KCTD16: variants seen among roughly 807,000 people sequenced by gnomAD.
The protein encoded by KCTD16 is potassium channel tetramerization domain containing 16.
A neutral mutation model predicts 33.2 loss-of-function variants in KCTD16; 13 were observed. The ratio of observed to expected loss-of-function variants is 0.39; its 90% CI spans 0.25 to 0.62. The LOEUF is 0.62. KCTD16 is among the 20% of genes least tolerant of loss of function. KCTD16 has a pLI of 0.50. For synonymous variants in KCTD16, 197 were observed against 195.3 expected, an observed-to-expected ratio of 1.01 and a Z score of -0.07; for missense variants, 441 against 525.1, an observed-to-expected ratio of 0.84 and a Z score of 1.57.
intron 3 of KCTD16, among the ~76,000 whole-genome samples, chr5:144,390,489 C>T (rs974126923): frequency 2.6e-5 from 4 of 151,380 alleles, no homozygotes; most frequent in Admixed American, 2.6e-4. Context: ...CTGAGCTGTT[C>T]AGGAGAGGAA....
intron 2 of KCTD16, among the ~76,000 whole-genome samples, chr5:144,182,990 A>G (rs967179035): frequency 3.9e-5 from 6 of 152,056 alleles, no homozygotes; most frequent in South Asian, 2.1e-4. Context: ...TCATTTCTCT[A>G]TGTACATGTA....
chr5:144,352,047 T>C (rs1751452718), intron 3 of KCTD16, among the ~76,000 whole-genome samples: 1 of 152,174 alleles, frequency 6.6e-6, no homozygotes, highest in African/African-American at 2.4e-5. Flanking sequence ...AACAAAAAAA[T>C]AAGTATATGT....
intron 3 of KCTD16, among the ~76,000 whole-genome samples, chr5:144,333,716 G>A (rs987011144): frequency 2.0e-5 from 3 of 152,182 alleles, no homozygotes; most frequent in Non-Finnish European, 4.4e-5. Flanking sequence ...CCATGGCAAA[G>A]GCAGAGGAGC....
At chr5:144,276,883 A>G (rs192121002) in intron 3 of KCTD16, among the ~76,000 whole-genome samples, 2 of 151,036 alleles carry the variant, frequency 1.3e-5, no homozygotes, top group East Asian at 3.9e-4. Flanking sequence ...AGCCTGGGCA[A>G]CAGAGTGAAA....
chr5:144,299,114 A>ATG (rs1756151255), intron 3 of KCTD16, among the ~76,000 whole-genome samples: 1 of 14,706 alleles, frequency 6.8e-5, no homozygotes, highest in Non-Finnish European at 1.1e-4. Context: ...ATATATATAT[A>ATG]TATATATATA....
chr5:144,315,623 T>C (rs1245136168), intron 3 of KCTD16, among the ~76,000 whole-genome samples: 1 of 152,194 alleles, frequency 6.6e-6, no homozygotes, highest in South Asian at 2.1e-4. Flanking sequence ...TTTCTCATAA[T>C]AGTTCTGTGT....
chr5:144,447,857 CT>C (rs1012905919), intron 3 of KCTD16, among the ~76,000 whole-genome samples: 2 of 152,030 alleles, frequency 1.3e-5, no homozygotes, highest in African/African-American at 4.8e-5. Context: ...CAACTTTGCT[CT>C]CTATTGGAAT....
intron 3 of KCTD16, among the ~76,000 whole-genome samples, chr5:144,237,933 T>C (rs1222724890): frequency 6.6e-6 from 1 of 152,158 alleles, no homozygotes; most frequent in African/African-American, 2.4e-5. Context: ...CATCTTCGAA[T>C]TGCAGTTTGG....
intron 3 of KCTD16, among the ~76,000 whole-genome samples, chr5:144,412,687 A>T (rs764856678): frequency 1.3e-5 from 2 of 152,140 alleles, no homozygotes; most frequent in Non-Finnish European, 2.9e-5. Context: ...GGAGTTCAAG[A>T]CCAGCCTGGC....
At chr5:144,228,278 G>C (rs888903164) in intron 3 of KCTD16, among the ~76,000 whole-genome samples, 6 of 152,156 alleles carry the variant, frequency 3.9e-5, no homozygotes, top group Non-Finnish European at 8.8e-5. Context: ...AGAGAACCAG[G>C]AAAGTGGGGT....
intron 3 of KCTD16, among the ~76,000 whole-genome samples, chr5:144,241,941 G>A (rs761088802): frequency 4.6e-5 from 7 of 152,142 alleles, no homozygotes; most frequent in Admixed American, 3.3e-4. Context: ...CAACCATGGT[G>A]TAGCTAAGAA....
intron 3 of KCTD16, among the ~76,000 whole-genome samples, chr5:144,306,748 C>T (rs1452413344): frequency 6.6e-6 from 1 of 152,152 alleles, no homozygotes; most frequent in African/African-American, 2.4e-5. Flanking sequence ...GCTAACTCTA[C>T]CACCCCTCAG....
intron 3 of KCTD16, among the ~76,000 whole-genome samples, chr5:144,232,015 C>T (rs1361545151): frequency 2.0e-5 from 3 of 152,100 alleles, no homozygotes; most frequent in African/African-American, 7.2e-5. Context: ...GTAAGATTTG[C>T]CTTAGGCTGA....
chr5:144,413,963 G>A (rs1752990428), intron 3 of KCTD16, among the ~76,000 whole-genome samples: 2 of 152,128 alleles, frequency 1.3e-5, no homozygotes, highest in Admixed American at 1.3e-4. Flanking sequence ...TCATCTGTGA[G>A]CTAAAGGAAC....
At chr5:144,441,391 G>C (rs1047774134) in intron 3 of KCTD16, among the ~76,000 whole-genome samples, 2 of 151,880 alleles carry the variant, frequency 1.3e-5, no homozygotes, top group African/African-American at 4.8e-5. Context: ...GTTATTTTTA[G>C]CTCTTACATT....
intron 3 of KCTD16, among the ~76,000 whole-genome samples, chr5:144,423,933 G>A (rs950339502): frequency 2.0e-4 from 30 of 152,136 alleles, no homozygotes; most frequent in African/African-American, 7.2e-4. Context: ...GACAGCTGAT[G>A]AGCTGAAAAA....
chr5:144,447,634 A>T (rs1302711121), intron 3 of KCTD16, among the ~76,000 whole-genome samples: 3 of 152,152 alleles, frequency 2.0e-5, no homozygotes, highest in Non-Finnish European at 4.4e-5. Flanking sequence ...AAGTAAAAAA[A>T]TGTGTGTCAG....
At chr5:144,271,103 G>A (rs1020109412) in intron 3 of KCTD16, among the ~76,000 whole-genome samples, 4 of 151,864 alleles carry the variant, frequency 2.6e-5, no homozygotes, top group Non-Finnish European at 5.9e-5. Context: ...AAGAACAAAC[G>A]CCAGTTCTTC....
chr5:144,379,498 C>A (rs1355814675), intron 3 of KCTD16, among the ~76,000 whole-genome samples: 1 of 152,028 alleles, frequency 6.6e-6, no homozygotes, highest in Admixed American at 6.6e-5. Flanking sequence ...TGGAGGATAT[C>A]TTTAAGAATA....
Sources: gnomAD v4.1 joint callset for allele counts (sites outside exome capture counted in the v4.1 genomes callset) on GRCh38, gnomAD v4.1.1 for gene constraint, MANE v1.5 for transcripts, NCBI Gene and HGNC (gene_info 2026-07-23, HGNC 2026-07-21) for gene names.